Variants in TMC1 observed in about 807,000 individuals in gnomAD.
TMC1 encodes transmembrane channel like 1.
TMC1 carries 84 observed loss-of-function variants against 105.8 expected under a neutral mutation model. The observed-to-expected ratio is 0.79, with a 90% CI of 0.67 to 0.95. The LOEUF (loss-of-function observed/expected upper bound fraction) is 0.95. TMC1 is among the 40% of genes least tolerant of loss of function. The pLI is 0.00. For synonymous variants in TMC1, 315 were observed against 311.5 expected (o/e 1.01, Z -0.12); for missense variants, 817 against 914.1 (o/e 0.89, Z 1.37).
intron 18 of TMC1, among the ~76,000 whole-genome samples, chr9:72,810,961 A>G (rs1828693454): frequency 6.6e-6 from 1 of 152,182 alleles, no homozygotes; most frequent in Non-Finnish European, 1.5e-5. Flanking sequence ...AAAAAAGTCT[A>G]TTCACTTTTA....
chr9:72,753,508 A>T (rs1164822374), intron 11 of TMC1, among the ~76,000 whole-genome samples: 1 of 152,134 alleles, frequency 6.6e-6, no homozygotes, highest in East Asian at 1.9e-4. Context: ...AATGTCTGCT[A>T]TGTAGTGGAT....
intron 2 of TMC1, among the ~76,000 whole-genome samples, chr9:72,600,073 C>A (rs1376975761): frequency 6.6e-6 from 1 of 152,006 alleles, no homozygotes; most frequent in East Asian, 1.9e-4. Flanking sequence ...TGTAGTAGGT[C>A]GACGGGGCCC....
intron 1 of TMC1, among the ~76,000 whole-genome samples, chr9:72,531,210 A>G (rs1823494248): frequency 6.6e-6 from 1 of 152,148 alleles, no homozygotes; most frequent in Admixed American, 6.6e-5. Flanking sequence ...TATTTATCTA[A>G]TAATTCCAGT....
intron 1 of TMC1, among the ~76,000 whole-genome samples, chr9:72,545,338 A>AG (rs1366509735): frequency 6.6e-6 from 1 of 151,652 alleles, no homozygotes; most frequent in Admixed American, 6.6e-5. Context: ...TTTAAAAAAA[A>AG]ACCTTTTACA....
At chr9:72,748,680 A>G (rs572671041) in intron 10 of TMC1, among the ~76,000 whole-genome samples, 38 of 152,224 alleles carry the variant, frequency 2.5e-4, no homozygotes, top group Non-Finnish European at 4.1e-4. Context: ...GGTAGGATAG[A>G]ACCACTAGAT....
chr9:72,608,472 C>T (rs896954001), intron 2 of TMC1, among the ~76,000 whole-genome samples: 1 of 152,030 alleles, frequency 6.6e-6, no homozygotes. Context: ...TTTGGGAGGC[C>T]GAGGTGGACA....
At chr9:72,623,373 C>T (rs1431926280) in intron 3 of TMC1, among the ~76,000 whole-genome samples, 1 of 152,058 alleles carries the variant, frequency 6.6e-6, no homozygotes, top group Non-Finnish European at 1.5e-5. Context: ...AAATCGTGGT[C>T]TATGGGCTCT....
At chr9:72,723,952 CT>C (rs1397173499) in intron 8 of TMC1, among the ~76,000 whole-genome samples, 1 of 152,158 alleles carries the variant, frequency 6.6e-6, no homozygotes, top group East Asian at 1.9e-4. Flanking sequence ...GCATTTATTA[CT>C]CTCATAACTG....
chr9:72,609,201 C>CTTCCTTCCTTCCTTCT (rs1824981152), intron 2 of TMC1, among the ~76,000 whole-genome samples: 1 of 150,266 alleles, frequency 6.7e-6, no homozygotes, highest in Non-Finnish European at 1.5e-5. Context: ...TCCTTCCTTC[C>CTTCCTTCCTTCCTTCT]TTCCTTCCTT....
intron 8 of TMC1, among the ~76,000 whole-genome samples, chr9:72,729,566 A>T (rs950146863): frequency 1.8e-4 from 28 of 152,188 alleles, no homozygotes; most frequent in Non-Finnish European, 1.5e-5. Context: ...CAAAACAATT[A>T]TATATAATAT....
intron 8 of TMC1, 64 bp from the exon 9 acceptor site, chr9:72,740,055 C>A: frequency 7.8e-7 from 1 of 1,275,400 alleles, no homozygotes. Flanking sequence ...ATGTCCACTA[C>A]TTCTGTATTC....
At chr9:72,584,847 C>A (rs1824529922) in intron 2 of TMC1, among the ~76,000 whole-genome samples, 2 of 141,298 alleles carry the variant, frequency 1.4e-5, no homozygotes, top group South Asian at 4.6e-4. Flanking sequence ...TGCAGTGACA[C>A]AATCTTGGCT....
chr9:72,582,516 A>G (rs1009273906), intron 2 of TMC1, among the ~76,000 whole-genome samples: 3 of 152,188 alleles, frequency 2.0e-5, no homozygotes, highest in Non-Finnish European at 4.4e-5. Context: ...AGTGAGATTC[A>G]CATAGCCCCC....
intron 1 of TMC1, among the ~76,000 whole-genome samples, chr9:72,555,828 C>G (rs11143326): frequency 0.58 from 86,930 of 150,890 alleles, 26,696 homozygotes; most frequent in African/African-American, 0.81. Context: ...TCACCATATT[C>G]CCCAGGCTGG....
At chr9:72,731,031 T>C (rs1827204982) in intron 8 of TMC1, among the ~76,000 whole-genome samples, 1 of 152,220 alleles carries the variant, frequency 6.6e-6, no homozygotes, top group South Asian at 2.1e-4. Flanking sequence ...TTCCTGACAA[T>C]CATCTGGTCT....
chr9:72,717,161 G>T (rs138581158), intron 8 of TMC1, among the ~76,000 whole-genome samples: 1 of 152,280 alleles, frequency 6.6e-6, no homozygotes, highest in Non-Finnish European at 1.5e-5. Context: ...CCCACCTTCT[G>T]CATCGATCTT....
chr9:72,836,146 A>G lies in TMC1; in HGVS notation c.*173A>G. 1 of 750,650 alleles carries G rather than the reference A, an allele frequency of 1.3e-6. No individual in the cohort carries two copies. Among genetic ancestry groups the G allele is most frequent in the Non-Finnish European group, 2.4e-6 (1 of 420,830 alleles). The allele number at this position is 750,650 out of a possible 1,614,324, so 46.5% of individuals were successfully genotyped here. On this transcript the variant is annotated 3_prime_UTR_variant, in exon 24 of 24. Coordinates refer to ENST00000297784, the MANE Select transcript of TMC1 (RefSeq NM_138691.3). ...AGGCATCATCAGTCCTACCTGAGCA[A>G]CAAGAATCTAAACTTTATTCCAAGT...
rs10125465 is a variant in TMC1 at position 72,717,253 on chromosome 9, A to G, written c.362+16610A>G. Among the ~76,000 whole-genome samples, 141 of 152,296 alleles carry G rather than the reference A, an allele frequency of 9.3e-4. 1 individual carries two copies. The highest frequency in any genetic ancestry group is 3.0e-3 in the African/African-American group (126 of 41,562). ...GAATTGTTATGTATTCTGCAATTCT[A>G]TATCTTTTAAGTGGAGCATTTAGGC... is the stretch of plus-strand genomic sequence containing the variant. On this transcript the variant is annotated intron_variant, in intron 8 of 23. Coordinates refer to ENST00000297784, the MANE Select transcript of TMC1 (RefSeq NM_138691.3).
At chr9:72,654,870 T>A (rs1825861752) in intron 5 of TMC1, among the ~76,000 whole-genome samples, 2 of 152,178 alleles carry the variant, frequency 1.3e-5, no homozygotes, top group African/African-American at 4.8e-5. Context: ...ACCTTTAGTA[T>A]TTTTTTGTAG....
Sources: allele counts gnomAD v4.1 joint callset (sites outside exome capture counted in the v4.1 genomes callset), GRCh38; gene constraint gnomAD v4.1.1; transcripts MANE v1.5; gene names NCBI Gene and HGNC (gene_info 2026-07-23, HGNC 2026-07-21).